Variants in ZDHHC8 observed in about 807,000 individuals in gnomAD.
ZDHHC8 encodes the protein zDHHC palmitoyltransferase 8.
ZDHHC8 carries 24 observed loss-of-function variants against 61.2 expected under a neutral mutation model. That is an observed-to-expected ratio of 0.39 (90% CI 0.28 to 0.55). The LOEUF is 0.55. Ranked by LOEUF, ZDHHC8 falls within the 20% of genes least tolerant of loss-of-function variation. The probability of loss-of-function intolerance (pLI) is 0.60; values close to 1 mark genes in which losing one functional copy is unlikely to be tolerated. For synonymous variants in ZDHHC8, 523 were observed against 492.5 expected (o/e 1.06, Z -0.82); for missense variants, 935 against 1,102.1 (o/e 0.85, Z 2.15).
intron 4 of ZDHHC8, 38 bp from the exon 5 acceptor site, chr22:20,140,077 C>T (rs374883498): frequency 4.9e-5 from 79 of 1,607,842 alleles, no homozygotes; most frequent in Middle Eastern, 3.3e-4. Flanking sequence ...ATGGGGTCTG[C>T]GGTGTCCTGG....
Position 20,145,429 on chromosome 22 carries a change from G to A in ZDHHC8, c.*29G>A. The A allele has an allele frequency of 6.9e-7, 1 of 1,456,928 alleles. No homozygotes were observed. 90.3% of individuals were successfully genotyped at this position (1,456,928 alleles called of 1,614,324 possible). On this transcript the variant is annotated 3_prime_UTR_variant, in exon 11 of 11. Coordinates refer to ENST00000334554, the MANE Select transcript of ZDHHC8 (RefSeq NM_013373.4). ...CTGACTGCCACACATCCGCCATGGT[G>A]CCACGGGGACCAGGACCCCACAGCG...
rs996758511 is a variant in ZDHHC8 at position 20,146,091 on chromosome 22, C to T, written c.*691C>T. 28 of 985,754 alleles carry T rather than the reference C, an allele frequency of 2.8e-5. No homozygotes were observed. The highest frequency in any genetic ancestry group is 9.6e-6 in the Non-Finnish European group (8 of 830,000). 61.1% of individuals were successfully genotyped at this position (985,754 alleles called of 1,614,324 possible). ...TGTCAGTGCTCCGGCCGCCGCTGTC[C>T]CTTTCATCAAAGCCTTAACCTTTGC... On this transcript the variant is annotated 3_prime_UTR_variant, in exon 11 of 11. Transcript: ENST00000334554.
intron 1 of ZDHHC8, among the ~76,000 whole-genome samples, chr22:20,135,986 G>C (rs1427998220): frequency 6.6e-6 from 1 of 152,270 alleles, no homozygotes; most frequent in Admixed American, 6.5e-5. Flanking sequence ...CACCCCTCTT[G>C]CTCGGCGGTA....
rs759548246 is a variant in ZDHHC8 at position 20,142,915 on chromosome 22, G to A, written c.1285G>A (p.Ala429Thr). The A allele has an allele frequency of 1.4e-5, 22 of 1,608,264 alleles. No homozygotes were observed. Among genetic ancestry groups the A allele is most frequent in the East Asian group, 2.2e-5 (1 of 44,746 alleles). Residue 429 changes from alanine (A) to threonine (T), a missense_variant, in exon 10 of 11, where the codon GCT (alanine) becomes ACT (threonine). Physicochemically the swap from Ala to Thr is moderately conservative, Grantham distance 58 (BLOSUM62 0). This residue lies in a region of ZDHHC8 where 692 missense variants were observed against 731.4 expected (regional missense o/e 0.95). Coordinates refer to ENST00000334554, the MANE Select transcript of ZDHHC8 (RefSeq NM_013373.4). Reference sequence around the variant, plus strand: ...CAGCGCCTCTGATGCCTTCTCGGGCGCTTTGCGCTCCCTGAGCCTCAAGGC... The same window carrying A: ...CAGCGCCTCTGATGCCTTCTCGGGCACTTTGCGCTCCCTGAGCCTCAAGGC... ...PLSASDAFSG[A>T]LRSLSLKASS...
At position 20,141,317 on chromosome 22, in the gene ZDHHC8, C is replaced by G. The variant is rs1273963326; in HGVS notation, c.995C>G (p.Thr332Ser). 2 of 1,612,624 alleles carry G rather than the reference C, an allele frequency of 1.2e-6. No homozygotes were observed. Among genetic ancestry groups the G allele is most frequent in the African/African-American group, 1.3e-5 (1 of 75,040 alleles). ...EAGTFSSDLQ[T>S]PRPGSAESAL... Reference sequence around the variant, plus strand: ...GGCACGTTCAGCAGTGACCTGCAGACCCCGCGCCCAGGCAGTGCTGGTGAG... The same window carrying G: ...GGCACGTTCAGCAGTGACCTGCAGAGCCCGCGCCCAGGCAGTGCTGGTGAG... Residue 332 changes from threonine (T) to serine (S), a missense_variant, in exon 8 of 11, where the codon ACC (threonine) becomes AGC (serine). Physicochemically the swap from Thr to Ser is moderately conservative, Grantham distance 58. Around this residue, in one of 3 missense-constraint regions of ZDHHC8, gnomAD observed 692 missense variants for 731.4 expected, o/e 0.95. Transcript: ENST00000334554.
intron 2 of ZDHHC8, 45 bp from the exon 3 acceptor site, chr22:20,139,433 C>T (rs1269649909): frequency 6.2e-7 from 1 of 1,607,614 alleles, no homozygotes. Flanking sequence ...ATTCACCTGC[C>T]AGGAAAGTCA....
Position 20,132,111 on chromosome 22 carries a change from G to A in ZDHHC8, c.104+60G>A, listed in dbSNP as rs1393870204. On this transcript the variant is annotated intron_variant, in intron 1 of 10. Transcript: ENST00000334554. The stretch of plus-strand genomic sequence containing the variant: ...GCGATGGGCAGGGCCCGCACAGCCC[G>A]GGCACGGGGGCAGCGGTCGCGGGGG... 13 of 1,039,270 alleles carry A rather than the reference G, an allele frequency of 1.3e-5. No homozygotes were observed. The South Asian group carries it at 3.7e-4, about 30-fold the overall frequency. The allele number at this position is 1,039,270 out of a possible 1,614,324, so 64.4% of individuals were successfully genotyped here. A position where few individuals can be genotyped will look rare whatever the true frequency, so the allele number is the denominator to read the frequency against.
chr22:20,138,345 T>C (rs2050438872), intron 1 of ZDHHC8, among the ~76,000 whole-genome samples: 1 of 152,216 alleles, frequency 6.6e-6, no homozygotes, highest in South Asian at 2.1e-4. Context: ...CAGAGGGGCT[T>C]CTTGGAAGCT....
In ZDHHC8 at chr22:20,145,630, C is replaced by T; in HGVS notation, c.*230C>T. 1 of 1,195,968 alleles carries T rather than the reference C, an allele frequency of 8.4e-7. No individual in the cohort carries two copies. The highest frequency in any genetic ancestry group is 1.0e-6 in the Non-Finnish European group (1 of 961,808). 74.1% of individuals were successfully genotyped at this position (1,195,968 alleles called of 1,614,324 possible). ...GCTCACTGGGACAAGGGCCACTGGG[C>T]TGGTCTGTGTCTGGGCCTGTCCCAT... is the stretch of plus-strand genomic sequence containing the variant. On this transcript the variant is annotated 3_prime_UTR_variant, in exon 11 of 11. Coordinates refer to ENST00000334554, the MANE Select transcript of ZDHHC8 (RefSeq NM_013373.4).
chr22:20,139,083 C>T, intron 1 of ZDHHC8, 111 bp from the exon 2 acceptor site: 1 of 1,480,762 alleles, frequency 6.8e-7, no homozygotes, highest in Non-Finnish European at 9.0e-7. Flanking sequence ...CCCACTGCCT[C>T]TGAGCTCTGA....
intron 1 of ZDHHC8, among the ~76,000 whole-genome samples, chr22:20,135,708 G>A (rs547639829): frequency 1.1e-4 from 16 of 152,350 alleles, no homozygotes; most frequent in Non-Finnish European, 1.5e-5. Flanking sequence ...ACCGCATGTG[G>A]CCTGGGGTAT....
rs1044663964 is a variant in ZDHHC8, at chr22:20,146,053, G to A, written c.*653G>A. 1.3e-5 allele frequency: 13 copies of A among 985,882 alleles called. No individual in the cohort carries two copies. In the South Asian group the frequency reaches 5.2e-4, roughly 39 times the overall value. 61.1% of individuals were successfully genotyped at this position (985,882 alleles called of 1,614,324 possible). On this transcript the variant is annotated 3_prime_UTR_variant, in exon 11 of 11. Transcript: ENST00000334554. ...CCGTGTCTGTGTGCTGTGCTGCCGC[G>A]CCGTGTCTGATGTGTCAGTGCTCCG...
chr22:20,138,339 G>A (rs1448325413), intron 1 of ZDHHC8, among the ~76,000 whole-genome samples: 1 of 152,268 alleles, frequency 6.6e-6, no homozygotes, highest in Non-Finnish European at 1.5e-5. Flanking sequence ...TGAGGCCAGA[G>A]GGGCTTCTTG....
chr22:20,140,906 TGA>T lies in ZDHHC8; in HGVS notation c.790_791del (p.Ser264PhefsTer7). The T allele has an allele frequency of 6.2e-7, 1 of 1,606,026 alleles. No homozygotes were observed. The highest frequency in any genetic ancestry group is 8.5e-7 in the Non-Finnish European group (1 of 1,179,938). On this transcript the variant is annotated frameshift_variant, in exon 7 of 11. Transcript: ENST00000334554. LOFTEE classifies it high-confidence loss of function. ...GAGCCACCCCGGCTGCCGCTCGCGG[TGA>T]GTTTGAAGCCGCCTTTCCTTAGGCC...
At chr22:20,140,064 G>A (rs1047733955) in intron 4 of ZDHHC8, 51 bp from the exon 5 acceptor site, 1 of 1,605,314 alleles carries the variant, frequency 6.2e-7, no homozygotes, top group African/African-American at 1.3e-5. Flanking sequence ...CTGTGCTGCT[G>A]CGATGGGGTC....
At position 20,141,442 on chromosome 22, in the gene ZDHHC8, G is replaced by A. The variant is rs1427818684; in HGVS notation, c.1037G>A (p.Arg346Lys). 1 of 1,613,226 alleles carries A rather than the reference G, an allele frequency of 6.2e-7. No individual in the cohort carries two copies. The highest frequency in any genetic ancestry group is 1.3e-5 in the African/African-American group (1 of 74,914). ...CCAGAGAGTGCCCTGTCGGTGCAGA[G>A]GACCAGCCCCCCGACACCTGCCATG... ...GSAESALSVQ[R>K]TSPPTPAMYK... The change falls in exon 9 of 11, where the codon AGG becomes AAG. Residue 346 changes from arginine (R) to lysine (K), a missense_variant. By Grantham distance (26) the Arg-to-Lys change is conservative. This residue lies in a region of ZDHHC8 where 692 missense variants were observed against 731.4 expected (regional missense o/e 0.95). Coordinates refer to ENST00000334554, the MANE Select transcript of ZDHHC8 (RefSeq NM_013373.4).
At chr22:20,140,496 C>T (rs1253502521) in intron 5 of ZDHHC8, 121 bp from the exon 6 acceptor site, 2 of 1,099,722 alleles carry the variant, frequency 1.8e-6, no homozygotes, top group African/African-American at 1.6e-5. Flanking sequence ...GGGCTGATCC[C>T]ACCTAAGCCA....
At chr22:20,142,129 C>T (rs979967054) in intron 9 of ZDHHC8, among the ~76,000 whole-genome samples, 5 of 152,142 alleles carry the variant, frequency 3.3e-5, no homozygotes, top group African/African-American at 1.2e-4. Flanking sequence ...AGACCAGCCC[C>T]ATCCCCAGGG....
Position 20,142,799 on chromosome 22 carries a change from G to C in ZDHHC8, c.1169G>C (p.Arg390Pro), listed in dbSNP as rs771422955. Reference sequence around the variant, plus strand: ...CTGACCCTGGGGGACGACAGCATCCGTAGCCTGGACTTTGTGTCCGAGCCG... The same window carrying C: ...CTGACCCTGGGGGACGACAGCATCCCTAGCCTGGACTTTGTGTCCGAGCCG... ...DSLTLGDDSI[R>P]SLDFVSEPSL... Residue 390 changes from arginine to proline, a missense_variant, in exon 10 of 11, where the codon CGT becomes CCT. By Grantham distance (103) the Arg-to-Pro change is moderately radical (BLOSUM62 -2). Transcript: ENST00000334554. The C allele has an allele frequency of 6.2e-7, 1 of 1,612,682 alleles. No homozygotes were observed. The highest frequency in any genetic ancestry group is 1.1e-5 in the South Asian group (1 of 91,080).
Sources: gnomAD v4.1 joint callset for allele counts (sites outside exome capture counted in the v4.1 genomes callset) on GRCh38, gnomAD v4.1.1 for gene constraint, gnomAD v4.1.1 regional missense constraint, MANE v1.5 for transcripts, NCBI Gene and HGNC (gene_info 2026-07-23, HGNC 2026-07-21) for gene names.